Variants in AHRR observed in about 807,000 individuals in gnomAD.
AHRR encodes the protein ahR repressor.
A neutral mutation model predicts 44.0 loss-of-function variants in AHRR; 28 were observed. That is an observed-to-expected ratio of 0.64 (90% CI 0.47 to 0.87). The LOEUF (loss-of-function observed/expected upper bound fraction) is 0.87. Among genes scored for constraint, AHRR ranks in the 40% least tolerant of loss-of-function variants. The probability of loss-of-function intolerance (pLI) is 0.00; values close to 1 mark genes in which losing one functional copy is unlikely to be tolerated. For synonymous variants in AHRR, 434 were observed against 407.0 expected (o/e 1.07, Z -0.80); for missense variants, 990 against 953.9 (o/e 1.04, Z -0.50).
chr5:404,015 T>C lies in AHRR; in HGVS notation c.352-9329T>C, dbSNP rs1735148873. 1.5e-5 allele frequency: 13 copies of C among 886,140 alleles called. No individual in the cohort carries two copies. The South Asian group carries it at 1.7e-4, about 12-fold the overall frequency. 54.9% of individuals were successfully genotyped at this position (886,140 alleles called of 1,614,324 possible). ...ACAGTAATTCGAACTTGGTGTTTTTTCTTAATCCACGGCTGAATCTGTTTA... is the reference window on the plus strand; with the variant it reads ...ACAGTAATTCGAACTTGGTGTTTTTCCTTAATCCACGGCTGAATCTGTTTA... On this transcript the variant is annotated intron_variant, in intron 4 of 10. Transcript: ENST00000684583. This position sits in a 1 kb window ranked among gnomAD's most constrained non-coding sequence, Gnocchi z 4.1.
At position 370,521 on chromosome 5, in the gene AHRR, C is replaced by T. The variant is rs1444543851; in HGVS notation, c.245-6089C>T. Among the ~76,000 whole-genome samples the T allele has an allele frequency of 6.6e-5, 10 of 152,222 alleles. No homozygotes were observed. Among genetic ancestry groups the T allele is most frequent in the African/African-American group, 9.6e-5 (4 of 41,532 alleles). On this transcript the variant is annotated intron_variant, in intron 3 of 10. Coordinates refer to ENST00000684583, the MANE Select transcript of AHRR (RefSeq NM_001377236.1). The surrounding 1 kb of genome is among the most constrained non-coding windows in gnomAD (Gnocchi z 4.5). ...AAGGGAAATTTTCACCAAGGTCATC[C>T]GCCACCCCCAGGACCCTGAGAGTCT...
chr5:412,912 G>A (rs1332032824), intron 4 of AHRR, among the ~76,000 whole-genome samples: 5 of 151,696 alleles, frequency 3.3e-5, no homozygotes, highest in Non-Finnish European at 7.4e-5. Context: ...GTAGAGACAG[G>A]GTTTCACCAT....
At chr5:386,627 A>T (rs1198332616) in intron 4 of AHRR, among the ~76,000 whole-genome samples, 1 of 152,268 alleles carries the variant, frequency 6.6e-6, no homozygotes, top group African/African-American at 2.4e-5. Context: ...GAGCACAGCC[A>T]TGGGGCTCCT....
At chr5:352,801 A>G (rs1428238191) in intron 2 of AHRR, among the ~76,000 whole-genome samples, 1 of 150,974 alleles carries the variant, frequency 6.6e-6, no homozygotes, top group Non-Finnish European at 1.5e-5. Context: ...GCCGTAGGGG[A>G]TGGTCACTCT....
At chr5:400,489 G>T (rs1025164341) in intron 4 of AHRR, among the ~76,000 whole-genome samples, 1 of 151,528 alleles carries the variant, frequency 6.6e-6, no homozygotes, top group East Asian at 1.9e-4. Context: ...AAAAAAAGTA[G>T]AGCCTTAACC....
At chr5:336,328 T>C (rs953172357) in intron 1 of AHRR, among the ~76,000 whole-genome samples, 8 of 152,220 alleles carry the variant, frequency 5.3e-5, no homozygotes, top group Admixed American at 5.2e-4. Flanking sequence ...TTTTGCTGTT[T>C]CCTGTCACTT....
chr5:383,192 T>G lies in AHRR; in HGVS notation c.351+6476T>G, dbSNP rs1003477443. Reference sequence around the variant, plus strand: ...ACAATTTTAATATGGTCTGTCTTGATGACTGTTCACTGCACTGGGAAAATA... The same window carrying G: ...ACAATTTTAATATGGTCTGTCTTGAGGACTGTTCACTGCACTGGGAAAATA... On this transcript the variant is annotated intron_variant, in intron 4 of 10. Transcript: ENST00000684583. The surrounding 1 kb of genome is among the most constrained non-coding windows in gnomAD (Gnocchi z 4.0). 6.6e-6 allele frequency among the ~76,000 whole-genome samples: 1 copy of G among 152,240 alleles called. No homozygotes were observed. The highest frequency in any genetic ancestry group is 2.4e-5 in the African/African-American group (1 of 41,462).
rs969400691 is a variant in AHRR at position 406,223 on chromosome 5, C to T, written c.352-7121C>T. 1.3e-5 allele frequency among the ~76,000 whole-genome samples: 2 copies of T among 152,226 alleles called. No homozygotes were observed. The highest frequency in any genetic ancestry group is 4.8e-5 in the African/African-American group (2 of 41,462). ...TGTCGCTGGGGACTTCTGCTGCCCC[C>T]AGCCCCCCTTCCTTCCAGCCAGTGG... On this transcript the variant is annotated intron_variant, in intron 4 of 10. Coordinates refer to ENST00000684583, the MANE Select transcript of AHRR (RefSeq NM_001377236.1). The surrounding 1 kb of genome is among the most constrained non-coding windows in gnomAD (Gnocchi z 4.7).
At chr5:365,469 A>G (rs1182995803) in intron 3 of AHRR, among the ~76,000 whole-genome samples, 1 of 152,218 alleles carries the variant, frequency 6.6e-6, no homozygotes, top group Non-Finnish European at 1.5e-5. Context: ...AGCCAAAGAA[A>G]CACTTAGAAA....
intron 8 of AHRR, 91 bp downstream of exon 8, chr5:428,097 CT>C (rs1344167155): frequency 7.2e-6 from 10 of 1,393,572 alleles, no homozygotes; most frequent in Non-Finnish European, 9.9e-6. Context: ...TGTCTTCTTT[CT>C]TCATTTCCAG....
At chr5:420,706 T>C (rs1423531877) in intron 5 of AHRR, among the ~76,000 whole-genome samples, 1 of 152,058 alleles carries the variant, frequency 6.6e-6, no homozygotes, top group Admixed American at 6.6e-5. Context: ...CGGGGACACC[T>C]TGCATGGAAG....
chr5:400,364 A>AGCCCTCACCTGCCTCG (rs1734962618), intron 4 of AHRR, among the ~76,000 whole-genome samples: 1 of 152,148 alleles, frequency 6.6e-6, no homozygotes, highest in Non-Finnish European at 1.5e-5. Context: ...GCGTGGCTCC[A>AGCCCTCACCTGCCTCG]GCCCTCACCT....
At chr5:413,285 A>T in intron 4 of AHRR, 59 bp from the exon 5 acceptor site, 1 of 1,248,090 alleles carries the variant, frequency 8.0e-7, no homozygotes, top group Non-Finnish European at 1.1e-6. Context: ...GGATTCTTGC[A>T]CTTTTTCATT....
intron 4 of AHRR, among the ~76,000 whole-genome samples, chr5:401,741 T>C (rs911984022): frequency 4.6e-5 from 7 of 152,192 alleles, no homozygotes; most frequent in African/African-American, 7.2e-5. Context: ...CAGGTAGGGA[T>C]TGCAGAGAAG....
chr5:399,541 G>A (rs1734918746), intron 4 of AHRR, among the ~76,000 whole-genome samples: 1 of 152,236 alleles, frequency 6.6e-6, no homozygotes, highest in South Asian at 2.1e-4. Flanking sequence ...ACTGGAGGGT[G>A]CCTGGTGCTG....
rs1464556014 is a variant in AHRR, at chr5:405,759, G to A, written c.352-7585G>A. ...CATCTTACTGCTCCCCTCGCAGACT[G>A]TTGAGTTGGTCTTTGACAAGTGTTT... On this transcript the variant is annotated intron_variant, in intron 4 of 10. Transcript: ENST00000684583. The surrounding 1 kb of genome is among the most constrained non-coding windows in gnomAD (Gnocchi z 4.5). 2.6e-5 allele frequency among the ~76,000 whole-genome samples: 4 copies of A among 152,238 alleles called. No individual in the cohort carries two copies. Among genetic ancestry groups the A allele is most frequent in the African/African-American group, 7.2e-5 (3 of 41,450 alleles).
chr5:424,399 G>A lies in AHRR; in HGVS notation c.708+422G>A, dbSNP rs570320750. Among the ~76,000 whole-genome samples the A allele has an allele frequency of 2.9e-4, 29 of 101,558 alleles. No individual in the cohort carries two copies. In the South Asian group the frequency reaches 8.2e-3, roughly 29 times the overall value. The allele number at this position is 101,558 out of a possible 152,430, so 66.6% of individuals were successfully genotyped here. ...ACCCATGTGTCCCTGGTGGGGGGGC[G>A]AGGGCCGGTGCTGAGCTCTGTGCAC... is the stretch of plus-strand genomic sequence containing the variant. On this transcript the variant is annotated intron_variant, in intron 7 of 10. Coordinates refer to ENST00000684583, the MANE Select transcript of AHRR (RefSeq NM_001377236.1).
At chr5:416,557 G>A (rs72711365) in intron 5 of AHRR, among the ~76,000 whole-genome samples, 35,151 of 152,188 alleles carry the variant, frequency 0.23, 5,336 homozygotes, top group Non-Finnish European at 0.34. Flanking sequence ...CTGAAGTGAC[G>A]CCTGGTGGGT....
chr5:403,572 G>A (rs575157820), intron 4 of AHRR, among the ~76,000 whole-genome samples: 1 of 149,376 alleles, frequency 6.7e-6, no homozygotes, highest in Non-Finnish European at 1.5e-5. Flanking sequence ...GGAGGCGGAG[G>A]TTGCAGTGAG....
Sources: allele counts gnomAD v4.1 joint callset (sites outside exome capture counted in the v4.1 genomes callset), GRCh38; gene constraint gnomAD v4.1.1; non-coding constraint Gnocchi (gnomAD v3.1); transcripts MANE v1.5; gene names NCBI Gene and HGNC (gene_info 2026-07-23, HGNC 2026-07-21).